The following ADK variants were observed in gnomAD, a reference collection of about 807,000 sequenced individuals.
The protein encoded by ADK is adenosine kinase.
A neutral mutation model predicts 44.7 loss-of-function variants in ADK; 24 were observed. The ratio of observed to expected loss-of-function variants is 0.54; its 90% CI spans 0.39 to 0.76. ADK has a LOEUF of 0.76. Ranked by LOEUF, ADK falls within the 30% of genes least tolerant of loss-of-function variation. ADK has a pLI of 0.00. For synonymous variants in ADK, 128 were observed against 142.6 expected (o/e 0.90, Z 0.73); for missense variants, 321 against 425.1 (o/e 0.76, Z 2.15).
At chr10:74,303,588 G>GTTGTTT (rs1840139803) in intron 3 of ADK, among the ~76,000 whole-genome samples, 3 of 68,578 alleles carry the variant, frequency 4.4e-5, no homozygotes, top group African/African-American at 2.4e-4. Context: ...TTTTAATGTT[G>GTTGTTT]TTTTTTTTTT....
At chr10:74,670,844 G>A (rs1855144769) in intron 10 of ADK, among the ~76,000 whole-genome samples, 1 of 132,848 alleles carries the variant, frequency 7.5e-6, no homozygotes, top group African/African-American at 2.9e-5. Context: ...TAGAAGACTT[G>A]GCTTGATGAC....
At chr10:74,665,008 T>A (rs1854894679) in intron 9 of ADK, among the ~76,000 whole-genome samples, 1 of 152,200 alleles carries the variant, frequency 6.6e-6, no homozygotes, top group Non-Finnish European at 1.5e-5. Flanking sequence ...CAGAATATCA[T>A]CACTCTTAGG....
intron 1 of ADK, among the ~76,000 whole-genome samples, chr10:74,166,219 C>T (rs974963695): frequency 5.3e-5 from 8 of 152,188 alleles, no homozygotes; most frequent in Non-Finnish European, 8.8e-5. Flanking sequence ...GGATTACAGG[C>T]GTGAGCCACC....
At chr10:74,701,047 G>T (rs538258633) in intron 10 of ADK, among the ~76,000 whole-genome samples, 3 of 152,312 alleles carry the variant, frequency 2.0e-5, no homozygotes, top group East Asian at 3.9e-4. Flanking sequence ...ACTCTTTTTA[G>T]TAGATTTGGA....
intron 9 of ADK, among the ~76,000 whole-genome samples, chr10:74,647,443 G>T (rs1176231447): frequency 1.3e-5 from 2 of 152,212 alleles, no homozygotes; most frequent in Middle Eastern, 3.4e-3. Context: ...TTTTTAAAAG[G>T]TAATTACAGC....
chr10:74,290,098 A>ACACACACT (rs1847352046), intron 3 of ADK, among the ~76,000 whole-genome samples: 1 of 147,198 alleles, frequency 6.8e-6, no homozygotes, highest in Non-Finnish European at 1.5e-5. Flanking sequence ...ACACACACAC[A>ACACACACT]CACTCACACA....
At chr10:74,182,352 A>T (rs1436059533) in intron 1 of ADK, among the ~76,000 whole-genome samples, 4 of 147,184 alleles carry the variant, frequency 2.7e-5, no homozygotes, top group African/African-American at 5.2e-5. Flanking sequence ...AAATCTTTTT[A>T]TTTATTTATT....
At chr10:74,533,536 T>G (rs1849361041) in intron 7 of ADK, among the ~76,000 whole-genome samples, 3 of 152,230 alleles carry the variant, frequency 2.0e-5, no homozygotes, top group Non-Finnish European at 4.4e-5. Context: ...GAAAACAGTC[T>G]TTTTGACAAG....
intron 3 of ADK, among the ~76,000 whole-genome samples, chr10:74,265,044 G>T (rs1591953913): frequency 6.6e-6 from 1 of 152,106 alleles, no homozygotes; most frequent in East Asian, 1.9e-4. Context: ...AACATCAAAT[G>T]ATTCTCCTGC....
At chr10:74,491,394 C>T (rs1847477830) in intron 6 of ADK, among the ~76,000 whole-genome samples, 1 of 152,148 alleles carries the variant, frequency 6.6e-6, no homozygotes, top group South Asian at 2.1e-4. Context: ...AGGGATATGT[C>T]ACTATGTTCG....
chr10:74,390,192 A>G (rs1483412668), intron 4 of ADK, among the ~76,000 whole-genome samples: 1 of 152,078 alleles, frequency 6.6e-6, no homozygotes, highest in East Asian at 1.9e-4. Flanking sequence ...ATTTAATAAC[A>G]ATAGAAATTC....
At chr10:74,288,039 C>T (rs919510026) in intron 3 of ADK, among the ~76,000 whole-genome samples, 2 of 149,578 alleles carry the variant, frequency 1.3e-5, no homozygotes, top group South Asian at 4.2e-4. Context: ...TTACTTAGAA[C>T]CTTTCAAATG....
intron 9 of ADK, among the ~76,000 whole-genome samples, chr10:74,639,287 G>A (rs916154278): frequency 6.6e-6 from 1 of 152,052 alleles, no homozygotes; most frequent in African/African-American, 2.4e-5. Context: ...AGTGTAAATT[G>A]GTAAAAGTTT....
intron 7 of ADK, among the ~76,000 whole-genome samples, chr10:74,533,191 A>G (rs79308477): frequency 0.011 from 1,730 of 152,316 alleles, 38 homozygotes; most frequent in African/African-American, 0.04. Context: ...TTCATAGATT[A>G]GAAGACTCTG....
At chr10:74,511,837 G>A (rs556113956) in intron 6 of ADK, among the ~76,000 whole-genome samples, 1 of 152,224 alleles carries the variant, frequency 6.6e-6, no homozygotes, top group African/African-American at 2.4e-5. Flanking sequence ...CCAGTACTAT[G>A]TTGAATAAGA....
intron 9 of ADK, among the ~76,000 whole-genome samples, chr10:74,611,976 T>C (rs1852565255): frequency 6.6e-6 from 1 of 152,186 alleles, no homozygotes; most frequent in Admixed American, 6.5e-5. Context: ...TTTCTTTTAC[T>C]TTGGGTAGAT....
intron 3 of ADK, among the ~76,000 whole-genome samples, chr10:74,302,577 G>A (rs1840095910): frequency 6.6e-6 from 1 of 152,026 alleles, no homozygotes; most frequent in African/African-American, 2.4e-5. Context: ...TGGCTCACTT[G>A]AGTCCAGGAG....
rs556378635 is a variant in ADK, at chr10:74,467,562, C to T, written c.556-57694C>T. On this transcript the variant is annotated intron_variant, in intron 6 of 10. Transcript: ENST00000539909. ...TTTCTGCATCACAATAAAGAGTTTT[C>T]ATGGAAATTATCCAGATAATTTCAT... Among the ~76,000 whole-genome samples, 3 of 152,132 alleles carry T rather than the reference C, an allele frequency of 2.0e-5. No individual in the cohort carries two copies. The South Asian group carries it at 6.2e-4, about 32-fold the overall frequency.
chr10:74,554,320 A>C (rs543776587), intron 7 of ADK, among the ~76,000 whole-genome samples: 6 of 152,168 alleles, frequency 3.9e-5, no homozygotes, highest in Non-Finnish European at 7.4e-5. Flanking sequence ...AATCCTCTGC[A>C]GAGCTAATGC....
Sources: allele counts gnomAD v4.1 joint callset (sites outside exome capture counted in the v4.1 genomes callset), GRCh38; gene constraint gnomAD v4.1.1; transcripts MANE v1.5; gene names NCBI Gene and HGNC (gene_info 2026-07-23, HGNC 2026-07-21).